GPHN: variants seen among roughly 807,000 people sequenced by gnomAD.
GPHN encodes gephyrin.
In GPHN, 17 loss-of-function variants were observed where a neutral mutation model predicts 95.5. That is an observed-to-expected ratio of 0.18 (90% CI 0.12 to 0.27). GPHN has a LOEUF of 0.27. GPHN is among the 10% of genes least tolerant of loss of function. The probability of loss-of-function intolerance (pLI) is 1.00; values close to 1 mark genes in which losing one functional copy is unlikely to be tolerated. For synonymous variants in GPHN, 320 were observed against 322.5 expected (o/e 0.99, Z 0.08); for missense variants, 660 against 978.1 (o/e 0.67, Z 4.34).
intron 5 of GPHN, among the ~76,000 whole-genome samples, chr14:66,905,929 G>A (rs904501120): frequency 3.3e-5 from 5 of 151,046 alleles, no homozygotes; most frequent in African/African-American, 1.2e-4. Context: ...TGGCTGTATA[G>A]TATTCCATGG....
At chr14:67,303,888 C>T in the GPHN span, among the ~76,000 whole-genome samples, 1 of 152,042 alleles carries the variant, frequency 6.6e-6, no homozygotes, top group Admixed American at 6.6e-5. Flanking sequence ...CCACCTCAGC[C>T]TCTTGAGTAG....
At chr14:67,027,538 C>T (rs1293159325) in intron 10 of GPHN, among the ~76,000 whole-genome samples, 1 of 152,054 alleles carries the variant, frequency 6.6e-6, no homozygotes, top group Non-Finnish European at 1.5e-5. Flanking sequence ...ACTATGTTGC[C>T]CAGGCTGGAA....
chr14:67,238,687 A>G, the GPHN span, among the ~76,000 whole-genome samples: 1 of 152,038 alleles, frequency 6.6e-6, no homozygotes, highest in Non-Finnish European at 1.5e-5. Context: ...TCTATTGCCC[A>G]GGCTGGAGTG....
intron 1 of GPHN, among the ~76,000 whole-genome samples, chr14:66,602,821 A>G (rs1474799766): frequency 6.6e-6 from 1 of 151,916 alleles, no homozygotes; most frequent in Non-Finnish European, 1.5e-5. Context: ...AGTTTTAAGA[A>G]TCACATAGTG....
At chr14:67,496,043 A>G in the GPHN span, among the ~76,000 whole-genome samples, 1 of 152,180 alleles carries the variant, frequency 6.6e-6, no homozygotes, top group East Asian at 1.9e-4. Context: ...ACAGCCAAAC[A>G]GCTGAAAGAG....
the GPHN span, chr14:67,316,775 A>G: frequency 2.1e-6 from 3 of 1,448,526 alleles, no homozygotes; most frequent in Non-Finnish European, 2.8e-6. Context: ...ATTAAAAAAA[A>G]AATTCTTATC....
At chr14:66,890,163 A>G (rs1436908359) in intron 5 of GPHN, among the ~76,000 whole-genome samples, 2 of 152,116 alleles carry the variant, frequency 1.3e-5, no homozygotes, top group African/African-American at 2.4e-5. Context: ...TGTAATCCCA[A>G]CACTTTGGGA....
chr14:66,665,553 C>T (rs184300411), intron 1 of GPHN, among the ~76,000 whole-genome samples: 1 of 152,274 alleles, frequency 6.6e-6, no homozygotes, highest in East Asian at 1.9e-4. Context: ...CAATGAGATA[C>T]CATCTCACAC....
At chr14:66,806,692 C>T (rs1278737967) in intron 3 of GPHN, among the ~76,000 whole-genome samples, 1 of 152,200 alleles carries the variant, frequency 6.6e-6, no homozygotes, top group Non-Finnish European at 1.5e-5. Flanking sequence ...TTTGCAAAAA[C>T]ATAACAAGAG....
At chr14:66,639,015 A>G (rs1445500682) in intron 1 of GPHN, among the ~76,000 whole-genome samples, 4 of 152,034 alleles carry the variant, frequency 2.6e-5, no homozygotes, top group Non-Finnish European at 5.9e-5. Flanking sequence ...AAGAACCTGG[A>G]CCATCTCATT....
chr14:67,336,481 G>T, the GPHN span: 1 of 268,490 alleles, frequency 3.7e-6, no homozygotes, highest in Non-Finnish European at 7.4e-6. Flanking sequence ...AGGTATTTAA[G>T]AAGCCACAGG....
chr14:66,539,409 CTTTTTT>C (rs1000117893), intron 1 of GPHN, among the ~76,000 whole-genome samples: 1 of 101,844 alleles, frequency 9.8e-6, no homozygotes, highest in African/African-American at 4.3e-5. Flanking sequence ...TTTCTACTTT[CTTTTTT>C]TTTTTTTTTT....
At chr14:67,703,115 T>C in the GPHN span, among the ~76,000 whole-genome samples, 1 of 152,328 alleles carries the variant, frequency 6.6e-6, no homozygotes, top group African/African-American at 2.4e-5. Flanking sequence ...TCACCTCATC[T>C]GGCCCTTATA....
At chr14:67,702,335 C>A in the GPHN span, among the ~76,000 whole-genome samples, 1 of 152,044 alleles carries the variant, frequency 6.6e-6, no homozygotes, top group Non-Finnish European at 1.5e-5. Flanking sequence ...AGATATTTAC[C>A]TAAGCAAGAA....
chr14:67,466,537 C>CTGG, the GPHN span, among the ~76,000 whole-genome samples: 1 of 152,244 alleles, frequency 6.6e-6, no homozygotes, highest in Non-Finnish European at 1.5e-5. Flanking sequence ...AGCCTGGGAA[C>CTGG]TGGTGTTCTG....
chr14:66,649,027 C>T (rs2064901473), intron 1 of GPHN, among the ~76,000 whole-genome samples: 1 of 152,022 alleles, frequency 6.6e-6, no homozygotes, highest in African/African-American at 2.4e-5. Flanking sequence ...TTTGGTAATA[C>T]AGTTAATATA....
At chr14:66,711,376 C>T (rs2069604509) in intron 2 of GPHN, among the ~76,000 whole-genome samples, 2 of 152,070 alleles carry the variant, frequency 1.3e-5, no homozygotes, top group African/African-American at 4.8e-5. Flanking sequence ...TAATTCATAC[C>T]TTCTTTTGGC....
chr14:66,516,624 C>T (rs1471197529), intron 1 of GPHN, among the ~76,000 whole-genome samples: 2 of 152,184 alleles, frequency 1.3e-5, no homozygotes, highest in Non-Finnish European at 2.9e-5. Context: ...TTCACGATTT[C>T]AGGATCATGG....
chr14:66,555,909 T>C (rs966564882), intron 1 of GPHN, among the ~76,000 whole-genome samples: 4 of 152,204 alleles, frequency 2.6e-5, no homozygotes, highest in African/African-American at 9.6e-5. Flanking sequence ...GGATGTATTC[T>C]GAGAAATACA....
Sources: gnomAD v4.1 joint callset for allele counts (sites outside exome capture counted in the v4.1 genomes callset) on GRCh38, gnomAD v4.1.1 for gene constraint, MANE v1.5 for transcripts, NCBI Gene and HGNC (gene_info 2026-07-23, HGNC 2026-07-21) for gene names.